SUGCT: variants seen among roughly 807,000 people sequenced by gnomAD.
SUGCT encodes succinyl-CoA:glutarate CoA-transferase.
A neutral mutation model predicts 55.0 loss-of-function variants in SUGCT; 41 were observed. The ratio of observed to expected loss-of-function variants is 0.74; its 90% confidence interval spans 0.58 to 0.97. SUGCT has a LOEUF of 0.97. Among genes scored for constraint, SUGCT ranks in the 50% least tolerant of loss-of-function variants. SUGCT has a pLI of 0.00. For missense variants in SUGCT, 568 were observed against 547.8 expected (o/e 1.04, Z -0.37); for synonymous variants, 187 against 200.4 (o/e 0.93, Z 0.56).
At chr7:40,345,148 C>G (rs1797245394) in intron 9 of SUGCT, among the ~76,000 whole-genome samples, 1 of 152,084 alleles carries the variant, frequency 6.6e-6, no homozygotes, top group African/African-American at 2.4e-5. Context: ...AAAATTTGAT[C>G]TAAATCTTGA....
intron 9 of SUGCT, among the ~76,000 whole-genome samples, chr7:40,381,447 TA>T (rs1784865759): frequency 8.4e-6 from 1 of 118,880 alleles, no homozygotes; most frequent in Non-Finnish European, 1.8e-5. Flanking sequence ...TTTATAATTT[TA>T]TGTTCTTTAA....
At chr7:40,274,034 G>C (rs1409054465) in intron 7 of SUGCT, among the ~76,000 whole-genome samples, 1 of 146,716 alleles carries the variant, frequency 6.8e-6, no homozygotes, top group African/African-American at 2.5e-5. Flanking sequence ...GCCAGCTATT[G>C]GTGTGCTTAC....
intron 10 of SUGCT, among the ~76,000 whole-genome samples, chr7:40,453,498 A>G (rs1393189506): frequency 6.6e-6 from 1 of 152,228 alleles, no homozygotes; most frequent in Non-Finnish European, 1.5e-5. Context: ...CATACCAAAG[A>G]TGATAGGAAC....
chr7:40,370,107 A>T (rs1021191030), intron 9 of SUGCT, among the ~76,000 whole-genome samples: 3 of 152,104 alleles, frequency 2.0e-5, no homozygotes, highest in Admixed American at 1.3e-4. Flanking sequence ...CACTAGTGGG[A>T]ATGTGTATTT....
the SUGCT span, among the ~76,000 whole-genome samples, chr7:40,890,295 A>G: frequency 3.0e-4 from 42 of 141,606 alleles, no homozygotes; most frequent in African/African-American, 1.1e-3. Context: ...TATATTATAT[A>G]ATATAAATTA....
chr7:40,246,803 T>G (rs1461464112), intron 7 of SUGCT, among the ~76,000 whole-genome samples: 1 of 151,914 alleles, frequency 6.6e-6, no homozygotes, highest in Non-Finnish European at 1.5e-5. Context: ...TTTGCCATGT[T>G]GGCCAGGCTT....
At chr7:40,362,755 G>T (rs1023057953) in intron 9 of SUGCT, among the ~76,000 whole-genome samples, 1 of 151,962 alleles carries the variant, frequency 6.6e-6, no homozygotes, top group African/African-American at 2.4e-5. Flanking sequence ...CAACTCAGTG[G>T]TTTTTTTGTA....
the SUGCT span, among the ~76,000 whole-genome samples, chr7:41,020,296 G>A: frequency 6.6e-6 from 1 of 152,128 alleles, no homozygotes; most frequent in Admixed American, 6.5e-5. Context: ...TGTCATTTTT[G>A]TTTTACATTT....
chr7:40,992,159 A>G, the SUGCT span, among the ~76,000 whole-genome samples: 16 of 152,108 alleles, frequency 1.1e-4, no homozygotes, highest in Admixed American at 1.0e-3. Context: ...TGGCTTATTC[A>G]TGGGTTTTCC....
intron 1 of SUGCT, among the ~76,000 whole-genome samples, chr7:40,140,928 T>C (rs993916513): frequency 2.0e-5 from 3 of 152,184 alleles, no homozygotes. Flanking sequence ...TGCAGATTGC[T>C]TTGGGCACAA....
chr7:40,576,666 G>A (rs1439054467), intron 12 of SUGCT, among the ~76,000 whole-genome samples: 1 of 152,144 alleles, frequency 6.6e-6, no homozygotes, highest in African/African-American at 2.4e-5. Context: ...ATTTGTATAG[G>A]CAACAGCTTG....
intron 12 of SUGCT, among the ~76,000 whole-genome samples, chr7:40,664,926 G>A (rs1054797172): frequency 1.3e-5 from 2 of 149,812 alleles, no homozygotes; most frequent in African/African-American, 5.0e-5. Flanking sequence ...CTTGCAGTAA[G>A]CTGAGATTGC....
intron 9 of SUGCT, among the ~76,000 whole-genome samples, chr7:40,392,120 A>C (rs941460972): frequency 6.6e-6 from 1 of 152,108 alleles, no homozygotes; most frequent in African/African-American, 2.4e-5. Context: ...AACGTCACAC[A>C]CCGGGGCCTG....
chr7:41,025,665 T>C, the SUGCT span, among the ~76,000 whole-genome samples: 1 of 152,148 alleles, frequency 6.6e-6, no homozygotes. Flanking sequence ...ACTGTAAGAA[T>C]ATTTTAAAAT....
Position 40,245,423 on chromosome 7 carries a change from A to ATTTTTTTTTTT in SUGCT, c.576+7721_576+7731dup, listed in dbSNP as rs1168316176. On this transcript the variant is annotated intron_variant, in intron 7 of 13. Coordinates refer to ENST00000335693, the MANE Select transcript of SUGCT (RefSeq NM_001193313.2). The stretch of plus-strand genomic sequence containing the variant: ...AGTAGACATATATATATATATATAT[A>ATTTTTTTTTTT]TTTTTTTTTTTTTTTTTTTTTTTTT... Among the ~76,000 whole-genome samples the ATTTTTTTTTTT allele has an allele frequency of 7.3e-5, 4 of 54,604 alleles. 1 individual carries two copies. The highest frequency in any genetic ancestry group is 2.7e-4 in the African/African-American group (3 of 11,264). The allele number at this position is 54,604 out of a possible 152,430, so 35.8% of individuals were successfully genotyped here. A position where few individuals can be genotyped will look rare whatever the true frequency, so the allele number is the denominator to read the frequency against.
chr7:40,599,820 G>A (rs2151750816), intron 12 of SUGCT, among the ~76,000 whole-genome samples: 1 of 152,198 alleles, frequency 6.6e-6, no homozygotes, highest in South Asian at 2.1e-4. Context: ...ATCCCAGGAA[G>A]TCAAGTAGGG....
At chr7:40,528,786 G>C (rs180932008) in intron 12 of SUGCT, among the ~76,000 whole-genome samples, 1 of 152,126 alleles carries the variant, frequency 6.6e-6, no homozygotes, top group Non-Finnish European at 1.5e-5. Flanking sequence ...CCCCCAACTC[G>C]TTAAATCAAT....
At chr7:40,821,620 T>C (rs1792020807) in intron 13 of SUGCT, among the ~76,000 whole-genome samples, 1 of 152,188 alleles carries the variant, frequency 6.6e-6, no homozygotes, top group Non-Finnish European at 1.5e-5. Flanking sequence ...ATCCCCTGTA[T>C]CATTTTTTAT....
intron 8 of SUGCT, among the ~76,000 whole-genome samples, chr7:40,275,742 A>G (rs1792426727): frequency 6.6e-6 from 1 of 152,068 alleles, no homozygotes; most frequent in Admixed American, 6.6e-5. Flanking sequence ...TATAGACCCC[A>G]GATAAAGAAT....
Sources: gnomAD v4.1 joint callset for allele counts (sites outside exome capture counted in the v4.1 genomes callset) on GRCh38, gnomAD v4.1.1 for gene constraint, MANE v1.5 for transcripts, NCBI Gene and HGNC (gene_info 2026-07-23, HGNC 2026-07-21) for gene names.